CELF2: variants seen among roughly 807,000 people sequenced by gnomAD.
CELF2 encodes the protein CUG triplet repeat RNA-binding protein 2.
In CELF2, 8 loss-of-function variants were observed where a neutral mutation model predicts 62.6. The ratio of observed to expected loss-of-function variants is 0.13; its 90% CI spans 0.07 to 0.23. The LOEUF (loss-of-function observed/expected upper bound fraction) is 0.23, where lower values mean the gene tolerates loss of function less well. Among genes scored for constraint, CELF2 ranks in the 10% least tolerant of loss-of-function variants. CELF2 has a pLI of 1.00. For missense variants in CELF2, 333 were observed against 671.0 expected (o/e 0.50, Z 5.56); for synonymous variants, 258 against 250.0 (o/e 1.03, Z -0.30).
rs566100506 is a variant in CELF2 at position 10,850,509 on chromosome 10, G to A, written c.53+51692G>A. ...TCACACATGCCTCTACTTTAACCAC[G>A]AAAGAATCTGGAAATGCAAGTGTTT... On this transcript the variant is annotated intron_variant, in intron 1 of 13. Coordinates refer to the CELF2 transcript ENST00000636488. Among the ~76,000 whole-genome samples the A allele has an allele frequency of 4.1e-4, 62 of 152,296 alleles. No individual in the cohort carries two copies. The Middle Eastern group carries it at 0.01, about 25-fold the overall frequency.
chr10:10,731,351 A>G, the CELF2 span, among the ~76,000 whole-genome samples: 3 of 152,174 alleles, frequency 2.0e-5, no homozygotes, highest in South Asian at 2.1e-4. Context: ...TTGGATTACC[A>G]TGGTCATTCA....
chr10:10,577,489 C>T, the CELF2 span, among the ~76,000 whole-genome samples: 1 of 151,542 alleles, frequency 6.6e-6, no homozygotes, highest in Non-Finnish European at 1.5e-5. Flanking sequence ...AGGTATATCT[C>T]CTAATGCTAT....
chr10:11,092,763 G>A (rs2048674443), intron 1 of CELF2, among the ~76,000 whole-genome samples: 1 of 152,166 alleles, frequency 6.6e-6, no homozygotes, highest in Admixed American at 6.5e-5. Context: ...GGTGAGAGTG[G>A]CCCTCTTGCC....
chr10:10,648,614 G>A, the CELF2 span, among the ~76,000 whole-genome samples: 161 of 152,266 alleles, frequency 1.1e-3, no homozygotes, highest in African/African-American at 3.6e-3. Flanking sequence ...TCGGCTCTAT[G>A]TCATGATAGA....
intron 2 of CELF2, chr10:10,944,181 A>G (rs957752479): frequency 1.3e-5 from 2 of 152,672 alleles, no homozygotes; most frequent in Non-Finnish European, 2.9e-5. Context: ...TCAGTGACTT[A>G]CATATAGCTA....
the CELF2 span, among the ~76,000 whole-genome samples, chr10:10,602,155 T>A: frequency 6.6e-6 from 1 of 152,212 alleles, no homozygotes; most frequent in Non-Finnish European, 1.5e-5. Flanking sequence ...GGCATTTGGG[T>A]TGATTCCATG....
At position 11,315,593 on chromosome 10, in the gene CELF2, A is replaced by G. The variant is rs529020007; in HGVS notation, c.1096+1335A>G. 6.6e-6 allele frequency among the ~76,000 whole-genome samples: 1 copy of G among 152,336 alleles called. No individual in the cohort carries two copies. The highest frequency in any genetic ancestry group is 2.1e-4 in the South Asian group (1 of 4,818). On this transcript the variant is annotated intron_variant, in intron 10 of 12. Coordinates refer to ENST00000633077, the MANE Select transcript of CELF2 (RefSeq NM_001326342.2). This position sits in a 1 kb window ranked among gnomAD's most constrained non-coding sequence, Gnocchi z 5.8. ...GTTTTAGTACATCTTTGTATTTAGT[A>G]CATCTTTTGGGGAAAAGCGAAAACG...
At chr10:10,718,334 G>A in the CELF2 span, among the ~76,000 whole-genome samples, 2 of 152,008 alleles carry the variant, frequency 1.3e-5, no homozygotes, top group Non-Finnish European at 2.9e-5. Context: ...ACAAATCCAT[G>A]ATTTCTTGGC....
intron 1 of CELF2, among the ~76,000 whole-genome samples, chr10:11,114,429 A>G (rs542804143): frequency 3.3e-5 from 5 of 152,222 alleles, no homozygotes; most frequent in Non-Finnish European, 2.9e-5. Flanking sequence ...ACAGTTCTAG[A>G]TGCTGTGTCA....
the CELF2 span, among the ~76,000 whole-genome samples, chr10:10,744,468 A>T: frequency 6.6e-6 from 1 of 152,234 alleles, no homozygotes; most frequent in South Asian, 2.1e-4. Context: ...ACACCTAATT[A>T]TTCCCAAGTA....
At chr10:11,231,904 C>G (rs1224635643) in intron 3 of CELF2, among the ~76,000 whole-genome samples, 2 of 152,000 alleles carry the variant, frequency 1.3e-5, no homozygotes, top group East Asian at 3.8e-4. Context: ...CTTTCATCAT[C>G]TCAATATTAC....
rs545432044 is a variant in CELF2, at chr10:11,141,645, C to T, written c.75-23841C>T. 8.8e-4 allele frequency among the ~76,000 whole-genome samples: 134 copies of T among 152,300 alleles called. 1 individual carries two copies. Among genetic ancestry groups the T allele is most frequent in the Middle Eastern group, 3.4e-3 (1 of 294 alleles). On this transcript the variant is annotated intron_variant, in intron 1 of 12. Transcript: ENST00000633077. ...GCAACAGTCCTCAGTTCCTCAGGCCCTTCACTGTTGACTTTGAAGTGCAGA... is the reference window on the plus strand; with the variant it reads ...GCAACAGTCCTCAGTTCCTCAGGCCTTTCACTGTTGACTTTGAAGTGCAGA...
chr10:10,527,196 C>A, the CELF2 span, among the ~76,000 whole-genome samples: 4 of 152,218 alleles, frequency 2.6e-5, no homozygotes, highest in Non-Finnish European at 5.9e-5. Context: ...TATCCCAGCA[C>A]TTTGGGAGGC....
intron 1 of CELF2, among the ~76,000 whole-genome samples, chr10:11,127,213 A>T (rs2058854257): frequency 6.6e-6 from 1 of 152,160 alleles, no homozygotes. Flanking sequence ...GTCCCTGTAA[A>T]GGACATGAAC....
At chr10:10,802,902 A>G (rs1458957290) in intron 1 of CELF2, among the ~76,000 whole-genome samples, 1 of 152,188 alleles carries the variant, frequency 6.6e-6, no homozygotes, top group Non-Finnish European at 1.5e-5. Context: ...TATAAACTCT[A>G]TCTATAATGT....
At chr10:11,201,234 G>GT (rs1368197786) in intron 2 of CELF2, among the ~76,000 whole-genome samples, 2 of 152,190 alleles carry the variant, frequency 1.3e-5, no homozygotes, top group East Asian at 1.9e-4. Flanking sequence ...CCTTGTGTGT[G>GT]TTTTTTAATC....
chr10:11,052,225 C>T (rs2064093466), intron 1 of CELF2, among the ~76,000 whole-genome samples: 1 of 152,156 alleles, frequency 6.6e-6, no homozygotes, highest in African/African-American at 2.4e-5. Flanking sequence ...CATGAGCCAC[C>T]ATTCTAGGCT....
At position 10,931,986 on chromosome 10, in the gene CELF2, A is replaced by G. The variant is rs571756618; in HGVS notation, c.89+11987A>G. 6.6e-6 allele frequency among the ~76,000 whole-genome samples: 1 copy of G among 152,266 alleles called. No homozygotes were observed. The highest frequency in any genetic ancestry group is 2.1e-4 in the South Asian group (1 of 4,814). ...CTCATGAGTCTTATTCACTATCATG[A>G]GAACAGCATGGGAAAGACCTGCCCC... On this transcript the variant is annotated intron_variant, in intron 2 of 13. Coordinates refer to the CELF2 transcript ENST00000636488. The surrounding 1 kb of genome is among the most constrained non-coding windows in gnomAD (Gnocchi z 6.1).
chr10:10,666,861 C>CAAAAAAA, the CELF2 span, among the ~76,000 whole-genome samples: 2 of 25,214 alleles, frequency 7.9e-5, no homozygotes, highest in African/African-American at 4.1e-4. Context: ...GACTCCGTCT[C>CAAAAAAA]AAAAAAAAAA....
Sources: gnomAD v4.1 joint callset for allele counts (sites outside exome capture counted in the v4.1 genomes callset) on GRCh38, gnomAD v4.1.1 for gene constraint, Gnocchi (gnomAD v3.1) non-coding constraint, MANE v1.5 for transcripts, NCBI Gene and HGNC (gene_info 2026-07-23, HGNC 2026-07-21) for gene names.